TNIK: variants seen among roughly 807,000 people sequenced by gnomAD.
TNIK encodes TRAF2 and NCK interacting kinase.
Under a neutral mutation model 191.3 loss-of-function variants are expected in TNIK, and 49 were observed. The observed-to-expected ratio is 0.26, with a 90% CI of 0.20 to 0.32. The LOEUF is 0.32. Ranked by LOEUF, TNIK falls within the 10% of genes least tolerant of loss-of-function variation. The pLI is 1.00. For missense variants in TNIK, 1,155 were observed against 1,702.3 expected (o/e 0.68, Z 5.66); for synonymous variants, 594 against 600.9 (o/e 0.99, Z 0.17).
chr3:171,095,366 T>C lies in TNIK; in HGVS notation c.2592-1398A>G, dbSNP rs145943401. Among the ~76,000 whole-genome samples the C allele has an allele frequency of 1.6e-3, 238 of 152,274 alleles. 2 individuals carry two copies. The highest frequency in any genetic ancestry group is 5.5e-3 in the African/African-American group (229 of 41,560). On this transcript the variant is annotated intron_variant, in intron 22 of 32. Coordinates refer to ENST00000436636, the MANE Select transcript of TNIK (RefSeq NM_015028.4). ...GAGAACCACACACCACAGGTTGAGG[T>C]TGGTACAACATGGCTTCTGGAAGAA... is the stretch of plus-strand genomic sequence containing the variant.
At chr3:171,429,283 G>A (rs1251400985) in intron 1 of TNIK, among the ~76,000 whole-genome samples, 3 of 152,176 alleles carry the variant, frequency 2.0e-5, no homozygotes, top group Non-Finnish European at 4.4e-5. Context: ...ATCTACTAGA[G>A]TCTCCCTCTG....
chr3:171,428,358 A>G (rs1724915131), intron 1 of TNIK, among the ~76,000 whole-genome samples: 1 of 152,222 alleles, frequency 6.6e-6, no homozygotes, highest in Non-Finnish European at 1.5e-5. Context: ...AGTTACTCCC[A>G]AGGACTAGGC....
chr3:171,306,344 C>A (rs1045418236), intron 2 of TNIK, among the ~76,000 whole-genome samples: 1 of 152,076 alleles, frequency 6.6e-6, no homozygotes, highest in Non-Finnish European at 1.5e-5. Context: ...CAAACCTGCA[C>A]GTGTACCCCT....
Position 171,058,755 on chromosome 3 carries a change from T to C in TNIK, c.*5126A>G, listed in dbSNP as rs1392520107. On this transcript the variant is annotated 3_prime_UTR_variant, in exon 33 of 33. Transcript: ENST00000436636. ...GGCACAGCAAAATCGTAGTTTTCCC[T>C]TCTGATATTATACATTTGGCATCTC... Among the ~76,000 whole-genome samples the C allele has an allele frequency of 6.6e-6, 1 of 152,218 alleles. No individual in the cohort carries two copies. Among genetic ancestry groups the C allele is most frequent in the Non-Finnish European group, 1.5e-5 (1 of 68,030 alleles).
At chr3:171,430,348 A>G (rs747653922) in intron 1 of TNIK, among the ~76,000 whole-genome samples, 12 of 152,166 alleles carry the variant, frequency 7.9e-5, no homozygotes, top group Non-Finnish European at 1.3e-4. Flanking sequence ...AACGTGAACC[A>G]AGAAAATAAG....
At chr3:171,333,481 T>TGGGAGGCAGAGGTTGCA (rs991270523) in intron 2 of TNIK, among the ~76,000 whole-genome samples, 5 of 149,444 alleles carry the variant, frequency 3.3e-5, no homozygotes, top group East Asian at 4.0e-4. Context: ...CGCTTGAACC[T>TGGGAGGCAGAGGTTGCA]GGGAGGCAGA....
intron 2 of TNIK, among the ~76,000 whole-genome samples, chr3:171,286,007 A>G (rs1382647582): frequency 6.6e-6 from 1 of 152,204 alleles, no homozygotes; most frequent in Non-Finnish European, 1.5e-5. Flanking sequence ...GCCTTATCCT[A>G]TCTTAGCATT....
chr3:171,207,006 T>C (rs1255490176), intron 4 of TNIK, among the ~76,000 whole-genome samples: 1 of 151,878 alleles, frequency 6.6e-6, no homozygotes, highest in Non-Finnish European at 1.5e-5. Flanking sequence ...TGGGAGATGG[T>C]TATAAATCTA....
chr3:171,151,713 T>G (rs749842843), intron 12 of TNIK, among the ~76,000 whole-genome samples: 25 of 152,206 alleles, frequency 1.6e-4, no homozygotes, highest in Non-Finnish European at 2.4e-4. Context: ...TTAACCAAAA[T>G]ACAATTTCAC....
chr3:171,219,018 T>C (rs948598832), intron 3 of TNIK, among the ~76,000 whole-genome samples: 9 of 127,080 alleles, frequency 7.1e-5, no homozygotes, highest in Non-Finnish European at 1.1e-4. Flanking sequence ...AAAATATTAC[T>C]ATATTAGTGT....
intron 30 of TNIK, among the ~76,000 whole-genome samples, chr3:171,067,657 G>A (rs1718625774): frequency 6.8e-6 from 1 of 147,326 alleles, no homozygotes. Context: ...GGGTGACAGA[G>A]CGAGACTCCG....
chr3:171,279,895 G>A (rs777124794), intron 2 of TNIK, among the ~76,000 whole-genome samples: 6 of 152,086 alleles, frequency 3.9e-5, no homozygotes, highest in Non-Finnish European at 5.9e-5. Context: ...TCTGGTTCTA[G>A]ACTCCTTCAG....
intron 1 of TNIK, among the ~76,000 whole-genome samples, chr3:171,436,165 C>T (rs180952647): frequency 9.2e-5 from 14 of 152,298 alleles, no homozygotes; most frequent in Middle Eastern, 3.4e-3. Flanking sequence ...CTTCCCCACT[C>T]CTATACAGCT....
chr3:171,293,947 G>A (rs1280818874), intron 2 of TNIK, among the ~76,000 whole-genome samples: 1 of 152,142 alleles, frequency 6.6e-6, no homozygotes, highest in East Asian at 1.9e-4. Context: ...CTGGCCGGCT[G>A]GGCGCAGTGG....
At chr3:171,098,593 G>C (rs1723033896) in intron 22 of TNIK, among the ~76,000 whole-genome samples, 1 of 152,148 alleles carries the variant, frequency 6.6e-6, no homozygotes, top group African/African-American at 2.4e-5. Context: ...AACCACAGCT[G>C]TTTGTCAAAA....
At chr3:171,228,045 T>C (rs1255394463) in intron 3 of TNIK, 120 bp downstream of exon 3, 1 of 1,130,612 alleles carries the variant, frequency 8.8e-7, no homozygotes, top group African/African-American at 1.5e-5. Context: ...GTTATGTGTA[T>C]TAAATGCATT....
intron 3 of TNIK, among the ~76,000 whole-genome samples, chr3:171,216,626 T>C (rs1323544967): frequency 6.6e-6 from 1 of 152,134 alleles, no homozygotes; most frequent in East Asian, 1.9e-4. Flanking sequence ...GTGTATAACA[T>C]ACAGTTTGAG....
chr3:171,061,208 A>C lies in TNIK; in HGVS notation c.*2673T>G, dbSNP rs1022068309. 3.3e-5 allele frequency: 5 copies of C among 152,194 alleles called. No individual in the cohort carries two copies. Among genetic ancestry groups the C allele is most frequent in the Admixed American group, 2.6e-4 (4 of 15,280 alleles). The allele number at this position is 152,194 out of a possible 1,614,324, so 9.4% of individuals were successfully genotyped here. On this transcript the variant is annotated 3_prime_UTR_variant, in exon 33 of 33. Coordinates refer to ENST00000436636, the MANE Select transcript of TNIK (RefSeq NM_015028.4). The stretch of plus-strand genomic sequence containing the variant: ...TTGCTGGAGGAAAATTTATTTTTGA[A>C]GATAAAAGCTTCAGTGAATTCTTTA...
intron 1 of TNIK, among the ~76,000 whole-genome samples, chr3:171,412,082 TG>T (rs1722498918): frequency 6.6e-6 from 1 of 152,236 alleles, no homozygotes; most frequent in Non-Finnish European, 1.5e-5. Flanking sequence ...GAGTTGTCCT[TG>T]CTCTGCAAAG....
Sources: allele counts gnomAD v4.1 joint callset (sites outside exome capture counted in the v4.1 genomes callset), GRCh38; gene constraint gnomAD v4.1.1; transcripts MANE v1.5; gene names NCBI Gene and HGNC (gene_info 2026-07-23, HGNC 2026-07-21).